SEMA6D: variants seen among roughly 807,000 people sequenced by gnomAD.
SEMA6D encodes semaphorin-6D.
In SEMA6D, 35 loss-of-function variants were observed where a neutral mutation model predicts 106.6. That is an observed-to-expected ratio of 0.33 (90% CI 0.25 to 0.44). The LOEUF (loss-of-function observed/expected upper bound fraction) is 0.44, where lower values mean the gene tolerates loss of function less well. Ranked by LOEUF, SEMA6D falls within the 20% of genes least tolerant of loss-of-function variation. The probability of loss-of-function intolerance (pLI) is 1.00; values close to 1 mark genes in which losing one functional copy is unlikely to be tolerated. For missense variants in SEMA6D, 1,185 were observed against 1,345.9 expected, an observed-to-expected ratio of 0.88 and a Z score of 1.87; for synonymous variants, 499 against 487.7, an observed-to-expected ratio of 1.02 and a Z score of -0.31.
chr15:47,766,065 A>T (rs1310961912), intron 14 of SEMA6D, 40 bp from the exon 15 acceptor site: 1 of 1,612,666 alleles, frequency 6.2e-7, no homozygotes, highest in Non-Finnish European at 8.5e-7. Flanking sequence ...ACCTTTGTTG[A>T]TGAGAAAATC....
intron 1 of SEMA6D, among the ~76,000 whole-genome samples, chr15:47,354,222 TAC>T (rs2038461681): frequency 2.2e-5 from 3 of 137,194 alleles, no homozygotes; most frequent in African/African-American, 8.6e-5. Context: ...TATATATATA[TAC>T]ACACATACAT....
chr15:47,261,288 A>G (rs1432852643), intron 1 of SEMA6D, among the ~76,000 whole-genome samples: 1 of 152,162 alleles, frequency 6.6e-6, no homozygotes, highest in African/African-American at 2.4e-5. Flanking sequence ...TTGTATTGGT[A>G]GCACCTGTAA....
intron 3 of SEMA6D, among the ~76,000 whole-genome samples, chr15:47,760,650 C>T (rs2082008464): frequency 2.1e-5 from 3 of 143,446 alleles, no homozygotes; most frequent in African/African-American, 8.0e-5. Flanking sequence ...TTCTTTTTTC[C>T]TAAAGCAGCA....
intron 4 of SEMA6D, among the ~76,000 whole-genome samples, chr15:47,688,613 A>G: frequency 6.6e-6 from 1 of 152,170 alleles, no homozygotes; most frequent in Non-Finnish European, 1.5e-5. Flanking sequence ...TCCAACCTTG[A>G]GACTCTGATT....
chr15:47,741,291 T>C (rs1226909629), intron 1 of SEMA6D, among the ~76,000 whole-genome samples: 1 of 152,098 alleles, frequency 6.6e-6, no homozygotes, highest in African/African-American at 2.4e-5. Context: ...ACCAACCTCC[T>C]AGGGGGTGCT....
intron 1 of SEMA6D, among the ~76,000 whole-genome samples, chr15:47,744,265 G>A (rs2080987877): frequency 1.3e-5 from 2 of 152,052 alleles, no homozygotes; most frequent in Non-Finnish European, 2.9e-5. Flanking sequence ...TAAGTGAAAA[G>A]CTCTTTCCCC....
intron 2 of SEMA6D, among the ~76,000 whole-genome samples, chr15:47,468,247 A>C (rs139968527): frequency 6.6e-6 from 1 of 152,082 alleles, no homozygotes; most frequent in Non-Finnish European, 1.5e-5. Flanking sequence ...TTACAGCTGA[A>C]AGTGATTTCC....
chr15:47,693,319 C>T (rs561893205), intron 4 of SEMA6D, among the ~76,000 whole-genome samples: 7 of 152,228 alleles, frequency 4.6e-5, no homozygotes, highest in South Asian at 4.1e-4. Flanking sequence ...TTGCCAACAC[C>T]GTGATTTTGG....
At chr15:47,718,176 G>A (rs528956801) in intron 1 of SEMA6D, among the ~76,000 whole-genome samples, 1 of 152,322 alleles carries the variant, frequency 6.6e-6, no homozygotes, top group Non-Finnish European at 1.5e-5. Context: ...GGAGCCAGCC[G>A]GGGAGAGCTG....
At chr15:47,473,481 C>T (rs1366483910) in intron 3 of SEMA6D, among the ~76,000 whole-genome samples, 1 of 152,130 alleles carries the variant, frequency 6.6e-6, no homozygotes, top group Non-Finnish European at 1.5e-5. Flanking sequence ...TCCCCTGACT[C>T]ACATTACACA....
At chr15:47,222,357 C>T (rs894380695) in intron 1 of SEMA6D, among the ~76,000 whole-genome samples, 3 of 152,046 alleles carry the variant, frequency 2.0e-5, no homozygotes, top group Admixed American at 1.3e-4. Context: ...CCTTCTTTGC[C>T]CCTTATTTTT....
At chr15:47,273,819 A>T (rs1158465737) in intron 1 of SEMA6D, among the ~76,000 whole-genome samples, 1 of 152,214 alleles carries the variant, frequency 6.6e-6, no homozygotes, top group African/African-American at 2.4e-5. Context: ...ATTTCATTAA[A>T]TCTTCATAAA....
intron 4 of SEMA6D, among the ~76,000 whole-genome samples, chr15:47,651,026 TA>T (rs2077679442): frequency 6.6e-6 from 1 of 152,206 alleles, no homozygotes; most frequent in South Asian, 2.1e-4. Context: ...GGCACATTCA[TA>T]ATTTTCAGAC....
intron 4 of SEMA6D, among the ~76,000 whole-genome samples, chr15:47,675,622 A>G (rs1041476271): frequency 9.2e-5 from 14 of 152,204 alleles, no homozygotes; most frequent in African/African-American, 3.4e-4. Flanking sequence ...AGGCATTGAT[A>G]TCAATTAGTA....
At chr15:47,259,368 AT>A (rs1169839089) in intron 1 of SEMA6D, among the ~76,000 whole-genome samples, 3 of 152,024 alleles carry the variant, frequency 2.0e-5, no homozygotes, top group Non-Finnish European at 4.4e-5. Context: ...AAATTGACAG[AT>A]TTTTTTACAC....
At chr15:47,317,258 C>T (rs188694239) in intron 1 of SEMA6D, among the ~76,000 whole-genome samples, 3 of 152,070 alleles carry the variant, frequency 2.0e-5, no homozygotes, top group Admixed American at 2.0e-4. Context: ...TATGGCCCCT[C>T]TTTCATTTTT....
At chr15:47,290,502 AAT>A (rs1268974458) in intron 1 of SEMA6D, among the ~76,000 whole-genome samples, 2 of 152,146 alleles carry the variant, frequency 1.3e-5, no homozygotes, top group Non-Finnish European at 2.9e-5. Flanking sequence ...ATAAAATAAT[AAT>A]CATTGAATCA....
intron 3 of SEMA6D, among the ~76,000 whole-genome samples, chr15:47,539,126 G>A (rs2045274595): frequency 6.6e-6 from 1 of 152,172 alleles, no homozygotes; most frequent in African/African-American, 2.4e-5. Flanking sequence ...CTGCTTTGCT[G>A]AATTTTATTA....
intron 1 of SEMA6D, among the ~76,000 whole-genome samples, chr15:47,231,444 C>G (rs2032189691): frequency 6.6e-6 from 1 of 151,910 alleles, no homozygotes; most frequent in Non-Finnish European, 1.5e-5. Context: ...GGTCGTTATC[C>G]AAAGAGCACG....
Sources: allele counts gnomAD v4.1 joint callset (sites outside exome capture counted in the v4.1 genomes callset), GRCh38; gene constraint gnomAD v4.1.1; transcripts MANE v1.5; gene names NCBI Gene and HGNC (gene_info 2026-07-23, HGNC 2026-07-21).